NAIP: variants seen among roughly 807,000 people sequenced by gnomAD.
NAIP encodes the protein baculoviral IAP repeat-containing protein 1.
Under a neutral mutation model 23.0 loss-of-function variants are expected in NAIP, and 15 were observed. The observed-to-expected ratio is 0.65, with a 90% CI of 0.44 to 1.00. The LOEUF (loss-of-function observed/expected upper bound fraction) is 1.00, where lower values mean the gene tolerates loss of function less well. Among genes scored for constraint, NAIP ranks in the 50% least tolerant of loss-of-function variants. The probability of loss-of-function intolerance (pLI) is 0.00; values close to 1 mark genes in which losing one functional copy is unlikely to be tolerated. For synonymous variants in NAIP, 100 were observed against 100.2 expected (o/e 1.00, Z 0.01); for missense variants, 265 against 278.8 (o/e 0.95, Z 0.35).
At chr5:70,978,150 T>TATATA (rs1491407929) in intron 13 of NAIP, among the ~76,000 whole-genome samples, 1 of 26,972 alleles carries the variant, frequency 3.7e-5, no homozygotes, top group African/African-American at 7.6e-5. Context: ...TATATATATA[T>TATATA]TTTTTTTTTT....
At position 71,012,817 on chromosome 5, in the gene NAIP, C is replaced by G; in HGVS notation, c.99G>C (p.Gln33His). 1.2e-6 allele frequency: 2 copies of G among 1,611,980 alleles called. No homozygotes were observed. Among genetic ancestry groups the G allele is most frequent in the Non-Finnish European group, 8.5e-7 (1 of 1,178,524 alleles). Residue 33 changes from glutamine (Q) to histidine (H), a missense_variant, in exon 4 of 17, where the codon CAG becomes CAC. Gln to His is a conservative substitution (Grantham distance 24). This residue lies in a region of NAIP where 261 missense variants were observed against 259.2 expected (regional missense o/e 1.01). Coordinates refer to ENST00000517649, the MANE Select transcript of NAIP (RefSeq NM_004536.3). ...CCTCTTCTTCTAGTTCCTTTGCCAA[C>G]TGAACTGCATCTAGGCCCAGAAGAG... ...LSALLGLDAV[Q>H]LAKELEEEEQ...
chr5:71,003,097 G>A (rs1428159316), intron 6 of NAIP: 4 of 25,036 alleles, frequency 1.6e-4, no homozygotes, highest in African/African-American at 1.3e-3. Context: ...CACTGTTTCC[G>A]GAAACTGACC....
At position 71,012,529 on chromosome 5, in the gene NAIP, G is replaced by C; in HGVS notation, c.387C>G (p.Asn129Lys). ...RFHPDCGFLL[N>K]KDVGNIAKYD... ...ACTTGGCAATGTTACCAACATCCTT[G>C]TTCAAAAGGAACCCACAATCTGGAT... Residue 129 changes from asparagine to lysine, a missense_variant, in exon 4 of 17, where the codon AAC (asparagine) becomes AAG (lysine). By Grantham distance (94) the Asn-to-Lys change is moderately conservative. This residue lies in a region of NAIP where 261 missense variants were observed against 259.2 expected (regional missense o/e 1.01). Transcript: ENST00000517649. 6.2e-7 allele frequency: 1 copy of C among 1,611,640 alleles called. No homozygotes were observed. Among genetic ancestry groups the C allele is most frequent in the Non-Finnish European group, 8.5e-7 (1 of 1,178,446 alleles).
chr5:71,012,620 C>T lies in NAIP; in HGVS notation c.296G>A (p.Cys99Tyr). The T allele has an allele frequency of 6.2e-7, 1 of 1,612,012 alleles. No homozygotes were observed. The highest frequency in any genetic ancestry group is 8.5e-7 in the Non-Finnish European group (1 of 1,178,526). Residue 99 changes from cysteine (C) to tyrosine (Y), a missense_variant, in exon 4 of 17, where the codon TGC becomes TAC. By Grantham distance (194) the Cys-to-Tyr change is radical (BLOSUM62 -2). This residue lies in a region of NAIP where 261 missense variants were observed against 259.2 expected (regional missense o/e 1.01). Transcript: ENST00000517649. ...GGCACCAAAGAGGATTAGGCTACAG[C>T]AGAAGCACTGAATCCCAGATTTTAC... ...TGVKSGIQCF[C>Y]CSLILFGAGL... is the part of the protein sequence containing the mutation.
chr5:71,014,340 C>CT (rs1392012654), intron 3 of NAIP, among the ~76,000 whole-genome samples: 3 of 151,240 alleles, frequency 2.0e-5, no homozygotes, highest in African/African-American at 7.3e-5. Flanking sequence ...TCAAGTGATC[C>CT]GCCTGCCTTG....
intron 5 of NAIP, among the ~76,000 whole-genome samples, chr5:71,010,989 T>TC (rs1751124010): frequency 6.6e-6 from 1 of 151,124 alleles, no homozygotes; most frequent in African/African-American, 2.4e-5. Flanking sequence ...TCCTAGCACT[T>TC]CGGGAGGCCT....
At position 71,014,081 on chromosome 5, in the gene NAIP, G is replaced by A. The variant is rs188202274; in HGVS notation, c.-3-1163C>T. 3.6e-4 allele frequency among the ~76,000 whole-genome samples: 54 copies of A among 150,576 alleles called. 2 individuals are homozygous for A. In the South Asian group the frequency reaches 6.1e-3, roughly 17 times the overall value. On this transcript the variant is annotated intron_variant, in intron 3 of 16. Coordinates refer to ENST00000517649, the MANE Select transcript of NAIP (RefSeq NM_004536.3). The stretch of plus-strand genomic sequence containing the variant: ...TGGTTGTTTGGGAATGTTTCTAGTG[G>A]CTCTAGCCCAAGTAATTCCTCCTTT...
chr5:71,012,733 T>G lies in NAIP; in HGVS notation c.183A>C (p.Ala61=), dbSNP rs201454876. 9.3e-6 allele frequency: 15 copies of G among 1,611,906 alleles called. 2 individuals are homozygous for G. The Admixed American group carries it at 2.5e-4, about 27-fold the overall frequency. ...AAGTCACAAAAGTCTTTAACCTTTTTGCTTCACTGCGCATTTGAGAGTTGT... is the reference window on the plus strand; with the variant it reads ...AAGTCACAAAAGTCTTTAACCTTTTGGCTTCACTGCGCATTTGAGAGTTGT... The part of the protein sequence containing the change: ...KGYNSQMRSE[A]KRLKTFVTYE... Residue 61 remains alanine, a synonymous_variant, in exon 4 of 17, where the codon GCA becomes GCC. Transcript: ENST00000517649.
At position 71,011,297 on chromosome 5, in the gene NAIP, C is replaced by A; in HGVS notation, c.646G>T (p.Glu216Ter). 6.2e-7 allele frequency: 1 copy of A among 1,602,296 alleles called. No individual in the cohort carries two copies. The highest frequency in any genetic ancestry group is 8.5e-7 in the Non-Finnish European group (1 of 1,173,530). Reference protein sequence around the residue: ...NWEEGDDPWKEHAKWFPKCEF... With the variant: ...NWEEGDDPWK ...TACTTGGGGAACCATTTGGCATGTT[C>A]CTTCCAAGGATCATCTCCTTCTTCC... is the stretch of plus-strand genomic sequence containing the variant. The change falls in exon 5 of 17, where the codon GAA becomes TAA. Residue 216 changes from glutamate (E) to a stop codon, truncating the protein, a stop_gained. Coordinates refer to ENST00000517649, the MANE Select transcript of NAIP (RefSeq NM_004536.3). LOFTEE classifies it high-confidence loss of function.
chr5:71,016,376 GA>G (rs1187246773), intron 3 of NAIP, among the ~76,000 whole-genome samples: 1 of 147,532 alleles, frequency 6.8e-6, no homozygotes, highest in Non-Finnish European at 1.5e-5. Context: ...ATCAATTTTA[GA>G]ACATTTTCAT....
Position 71,012,546 on chromosome 5 carries a change from A to G in NAIP, c.370T>C (p.Cys124Arg). ...ACATCCTTGTTCAAAAGGAACCCAC[A>G]ATCTGGATGAAACCTCTTGTGGTCT... The part of the protein sequence containing the change: ...IEDHKRFHPD[C>R]GFLLNKDVGN... The change falls in exon 4 of 17, where the codon TGT (cysteine) becomes CGT (arginine). Residue 124 changes from cysteine (C) to arginine (R), a missense_variant. This residue lies in a region of NAIP where 261 missense variants were observed against 259.2 expected (regional missense o/e 1.01). Transcript: ENST00000517649. The G allele has an allele frequency of 1.2e-6, 2 of 1,611,676 alleles. No homozygotes were observed. Among genetic ancestry groups the G allele is most frequent in the Non-Finnish European group, 8.5e-7 (1 of 1,178,434 alleles).
chr5:71,013,769 C>T (rs1751290497), intron 3 of NAIP, among the ~76,000 whole-genome samples: 1 of 151,316 alleles, frequency 6.6e-6, no homozygotes, highest in Non-Finnish European at 1.5e-5. Context: ...GGGGCAGTCA[C>T]GGGCTTTGGT....
intron 6 of NAIP, among the ~76,000 whole-genome samples, chr5:71,002,479 G>GCT (rs1289045615): frequency 4.1e-5 from 6 of 147,996 alleles, no homozygotes; most frequent in African/African-American, 1.5e-4. Flanking sequence ...CACGACCTTG[G>GCT]CTCACTACAA....
intron 16 of NAIP, among the ~76,000 whole-genome samples, chr5:70,972,906 GTTTTTTTT>G (rs140660294): frequency 2.3e-5 from 1 of 44,400 alleles, no homozygotes; most frequent in African/African-American, 1.9e-4. Flanking sequence ...TTTGTTTTTT[GTTTTTTTT>G]TTTTGAGACG....
At position 71,011,290 on chromosome 5, in the gene NAIP, G is replaced by A. The variant is rs1580932678; in HGVS notation, c.653C>T (p.Ala218Val). The A allele has an allele frequency of 3.9e-5, 62 of 1,598,498 alleles. 1 individual carries two copies. Among genetic ancestry groups the A allele is most frequent in the Non-Finnish European group, 5.3e-5 (62 of 1,171,252 alleles). The change falls in exon 5 of 17, where the codon GCC (alanine) becomes GTC (valine). Residue 218 changes from alanine to valine, a missense_variant. Physicochemically the swap from Ala to Val is moderately conservative, Grantham distance 64. Coordinates refer to ENST00000517649, the MANE Select transcript of NAIP (RefSeq NM_004536.3). ...ATCTACTTACTTGGGGAACCATTTG[G>A]CATGTTCCTTCCAAGGATCATCTCC... is the stretch of plus-strand genomic sequence containing the variant. The part of the protein sequence containing the change: ...EEGDDPWKEH[A>V]KWFPKCEFLR...
chr5:71,009,936 GCCAGGAACTAAAGA>G (rs1751067599), intron 5 of NAIP, among the ~76,000 whole-genome samples: 2 of 151,408 alleles, frequency 1.3e-5, no homozygotes, highest in African/African-American at 4.8e-5. Flanking sequence ...CCTTTTCTAA[GCCAGGAACTAAAGA>G]CCACTGCAGT....
intron 5 of NAIP, among the ~76,000 whole-genome samples, chr5:71,009,362 C>CA (rs555440243): frequency 0.58 from 57,185 of 98,398 alleles, 15,768 homozygotes; most frequent in East Asian, 0.82. Flanking sequence ...AACTCACTCT[C>CA]AAAAAAAAAA....
rs1481086775 is a variant in NAIP, at chr5:71,012,659, A to C, written c.257T>G (p.Phe86Cys). The C allele has an allele frequency of 1.9e-6, 3 of 1,611,802 alleles. No individual in the cohort carries two copies. The highest frequency in any genetic ancestry group is 2.5e-6 in the Non-Finnish European group (3 of 1,178,478). The change falls in exon 4 of 17, where the codon TTT becomes TGT. Residue 86 changes from phenylalanine to cysteine, a missense_variant. Coordinates refer to ENST00000517649, the MANE Select transcript of NAIP (RefSeq NM_004536.3). ...WIPQEMAAAG[F>C]YFTGVKSGIQ... The stretch of plus-strand genomic sequence containing the variant: ...CCCAGATTTTACCCCAGTGAAGTAA[A>C]ACCCAGCGGCCGCCATCTCCTGTGG...
At chr5:71,011,420 G>A (rs780521371) in intron 4 of NAIP, 46 bp from the exon 5 acceptor site, 3 of 1,435,072 alleles carry the variant, frequency 2.1e-6, no homozygotes. Context: ...GTGGCACCAG[G>A]GGGTATGTAC....
Sources: gnomAD v4.1 joint callset for allele counts (sites outside exome capture counted in the v4.1 genomes callset) on GRCh38, gnomAD v4.1.1 for gene constraint, gnomAD v4.1.1 regional missense constraint, MANE v1.5 for transcripts, NCBI Gene and HGNC (gene_info 2026-07-23, HGNC 2026-07-21) for gene names.